The following MEP1A variants were observed in gnomAD, a reference collection of about 807,000 sequenced individuals.
MEP1A encodes the protein N-benzoyl-L-tyrosyl-P-amino-benzoic acid hydrolase subunit alpha.
MEP1A carries 68 observed loss-of-function variants against 84.5 expected under a neutral mutation model. The observed-to-expected ratio is 0.80, with a 90% CI of 0.66 to 0.98. The LOEUF is 0.98. Among genes scored for constraint, MEP1A ranks in the 50% least tolerant of loss-of-function variants. The probability of loss-of-function intolerance (pLI) is 0.00; values close to 1 mark genes in which losing one functional copy is unlikely to be tolerated. For missense variants in MEP1A, 887 were observed against 919.9 expected (o/e 0.96, Z 0.46); for synonymous variants, 337 against 336.8 (o/e 1.00, Z -0.01).
Position 46,829,520 on chromosome 6 carries a change from G to C in MEP1A, c.1093G>C (p.Asp365His). The C allele has an allele frequency of 6.2e-7, 1 of 1,614,204 alleles. No individual in the cohort carries two copies. Among genetic ancestry groups the C allele is most frequent in the African/African-American group, 1.3e-5 (1 of 75,062 alleles). The change falls in exon 10 of 14, where the codon GAT (aspartate) becomes CAT (histidine). Residue 365 changes from aspartate to histidine, a missense_variant. Physicochemically the swap from Asp to His is moderately conservative, Grantham distance 81. Transcript: ENST00000230588. ...SDRLVVWVRRDDSTGNVRKLV... is the reference protein window; with the variant it reads ...SDRLVVWVRRHDSTGNVRKLV... ...CAGACTCGTTGTCTGGGTCAGGAGG[G>C]ATGACAGCACAGGCAATGTTCGCAA... is the stretch of plus-strand genomic sequence containing the variant.
intron 6 of MEP1A, among the ~76,000 whole-genome samples, chr6:46,817,815 T>G (rs1297337460): frequency 6.6e-6 from 1 of 152,224 alleles, no homozygotes; most frequent in Non-Finnish European, 1.5e-5. Flanking sequence ...CTGGGAAACC[T>G]AATCACCTAT....
intron 9 of MEP1A, among the ~76,000 whole-genome samples, chr6:46,827,508 G>A (rs796984829): frequency 6.6e-5 from 10 of 152,238 alleles, no homozygotes; most frequent in African/African-American, 1.9e-4. Flanking sequence ...GATTATTATA[G>A]CTTTTCAAAG....
intron 13 of MEP1A, among the ~76,000 whole-genome samples, chr6:46,837,082 C>T (rs1768232037): frequency 6.6e-6 from 1 of 152,172 alleles, no homozygotes; most frequent in African/African-American, 2.4e-5. Flanking sequence ...CAAATCCTCA[C>T]ACACTAATTT....
chr6:46,795,165 A>C (rs1390478075), intron 3 of MEP1A, among the ~76,000 whole-genome samples: 3 of 152,182 alleles, frequency 2.0e-5, no homozygotes, highest in Non-Finnish European at 4.4e-5. Context: ...CATTTCAGTA[A>C]ATGTGACTCA....
intron 6 of MEP1A, among the ~76,000 whole-genome samples, chr6:46,818,157 G>T (rs1470447172): frequency 6.6e-6 from 1 of 152,124 alleles, no homozygotes; most frequent in Non-Finnish European, 1.5e-5. Flanking sequence ...GTTGATCATG[G>T]TTACATTTGC....
chr6:46,802,440 T>C (rs576979374), intron 5 of MEP1A, among the ~76,000 whole-genome samples: 1 of 152,100 alleles, frequency 6.6e-6, no homozygotes, highest in South Asian at 2.1e-4. Context: ...GTTACCTTGC[T>C]AAATTTACTC....
Position 46,825,408 on chromosome 6 carries a change from G to A in MEP1A, c.693G>A (p.Lys231=), listed in dbSNP as rs1235109964. Residue 231 remains lysine, a synonymous_variant, in exon 8 of 14, where the codon AAG becomes AAA. Transcript: ENST00000230588. ...KNASVPTITA[K]IPEFNSIIGQ... ...CAAGTGTTCCCACCATCACAGCCAA[G>A]ATCCCTGAGTTTAACTCCATTATCG... 11 of 1,613,704 alleles carry A rather than the reference G, an allele frequency of 6.8e-6. No individual in the cohort carries two copies. The highest frequency in any genetic ancestry group is 9.3e-6 in the Non-Finnish European group (11 of 1,179,874).
intron 3 of MEP1A, among the ~76,000 whole-genome samples, chr6:46,797,671 A>T (rs1767074016): frequency 6.6e-6 from 1 of 152,182 alleles, no homozygotes; most frequent in Non-Finnish European, 1.5e-5. Flanking sequence ...ATGGAAAGGC[A>T]GGAGTTTTGA....
chr6:46,795,333 C>G (rs1241207611), intron 3 of MEP1A, among the ~76,000 whole-genome samples: 1 of 152,078 alleles, frequency 6.6e-6, no homozygotes, highest in Non-Finnish European at 1.5e-5. Context: ...TGGAGTGTTG[C>G]TATGTCACCC....
intron 3 of MEP1A, among the ~76,000 whole-genome samples, chr6:46,797,945 TC>T (rs1767102376): frequency 7.8e-6 from 1 of 128,454 alleles, no homozygotes; most frequent in African/African-American, 2.7e-5. Flanking sequence ...CTTCCTTCCT[TC>T]CTTCCTTCCT....
intron 5 of MEP1A, among the ~76,000 whole-genome samples, chr6:46,807,815 GA>G (rs1057064733): frequency 2.0e-5 from 3 of 150,426 alleles, no homozygotes; most frequent in South Asian, 4.3e-4. Flanking sequence ...AAGAAAGAAA[GA>G]AAGAAAGAAA....
In MEP1A at chr6:46,835,256, C is replaced by T; in HGVS notation, c.1791C>T (p.Thr597=). Residue 597 remains threonine (T), a synonymous_variant, in exon 13 of 14, where the codon ACC becomes ACT. Coordinates refer to ENST00000230588, the MANE Select transcript of MEP1A (RefSeq NM_005588.3). ...ACTCTCTATTTCCTGAAGATATCAC[C>T]CACCTCAGCCAGACTGAAGTTCCCA... ...LIIFVDFEDI[T]HLSQTEVPTK... 6 of 1,590,212 alleles carry T rather than the reference C, an allele frequency of 3.8e-6. No homozygotes were observed. The highest frequency in any genetic ancestry group is 1.8e-5 in the Admixed American group (1 of 54,948).
At chr6:46,842,604 T>A (rs1185154749), downstream of MEP1A, among the ~76,000 whole-genome samples, 2 of 152,194 alleles carry the variant, frequency 1.3e-5, no homozygotes, top group Non-Finnish European at 2.9e-5. Context: ...TTAAGATGTT[T>A]ATCAAGATAA....
In MEP1A at chr6:46,809,544, A is replaced by G. The variant is rs757483912; in HGVS notation, c.380+7A>G. 7 of 1,564,302 alleles carry G rather than the reference A, an allele frequency of 4.5e-6. No homozygotes were observed. The highest frequency in any genetic ancestry group is 1.2e-5 in the South Asian group (1 of 86,948). ...TATTTCAACAGTTTGATGGGTTGGT[A>G]TGAAATTTTACGGAGTGAAAATCAT... On this transcript the variant is annotated splice_region_variant and intron_variant, in intron 6 of 13. Coordinates refer to ENST00000230588, the MANE Select transcript of MEP1A (RefSeq NM_005588.3).
chr6:46,826,395 G>A lies in MEP1A; in HGVS notation c.820G>A (p.Ala274Thr), dbSNP rs751658828. The A allele has an allele frequency of 2.5e-6, 4 of 1,609,766 alleles. No individual in the cohort carries two copies. In the South Asian group the frequency reaches 3.4e-5, roughly 13 times the overall value. Residue 274 changes from alanine to threonine, a missense_variant, in exon 9 of 14, where the codon GCA becomes ACA. By Grantham distance (58) the Ala-to-Thr change is moderately conservative (BLOSUM62 0). Transcript: ENST00000230588. Reference sequence around the variant, plus strand: ...TTTGGACCACTGTACTTTTGAGAAGGCAAACATCTGTGGAATGATTCAGGG... The same window carrying A: ...TTTGGACCACTGTACTTTTGAGAAGACAAACATCTGTGGAATGATTCAGGG... ...TLLDHCTFEK[A>T]NICGMIQGTR... is the part of the protein sequence containing the mutation.
At chr6:46,805,932 C>T (rs1443485842) in intron 5 of MEP1A, among the ~76,000 whole-genome samples, 1 of 151,970 alleles carries the variant, frequency 6.6e-6, no homozygotes, top group Non-Finnish European at 1.5e-5. Flanking sequence ...CCATTGGTCA[C>T]TAAAGCGCTA....
chr6:46,834,544 G>A, intron 11 of MEP1A, 34 bp from the exon 12 acceptor site: 1 of 1,505,260 alleles, frequency 6.6e-7, no homozygotes, highest in South Asian at 1.2e-5. Flanking sequence ...GTCTAAAGAG[G>A]TAATGTGATT....
rs370732157 is a variant in MEP1A, at chr6:46,826,626, CA to C, written c.928+129del. ...TCAAACTTGAAAATCTGAACAAGGA[CA>C]AAAAACATTTCTTATATCTTCATTA... is the stretch of plus-strand genomic sequence containing the variant. On this transcript the variant is annotated intron_variant, in intron 9 of 13. Coordinates refer to ENST00000230588, the MANE Select transcript of MEP1A (RefSeq NM_005588.3). 1.5e-4 allele frequency: 121 copies of C among 804,590 alleles called. No individual in the cohort carries two copies. The African/African-American group carries it at 1.8e-3, about 12-fold the overall frequency. The allele number at this position is 804,590 out of a possible 1,614,324, so 49.8% of individuals were successfully genotyped here.
At chr6:46,807,815 GAAA>G (rs1767395310) in intron 5 of MEP1A, among the ~76,000 whole-genome samples, 1 of 150,306 alleles carries the variant, frequency 6.7e-6, no homozygotes, top group Non-Finnish European at 1.5e-5. Context: ...AAGAAAGAAA[GAAA>G]GAAAGAAAGA....
Sources: allele counts gnomAD v4.1 joint callset (sites outside exome capture counted in the v4.1 genomes callset), GRCh38; gene constraint gnomAD v4.1.1; transcripts MANE v1.5; gene names NCBI Gene and HGNC (gene_info 2026-07-23, HGNC 2026-07-21).